Variants in BCKDHB observed in about 807,000 individuals in gnomAD.
The protein encoded by BCKDHB is branched chain keto acid dehydrogenase E1 subunit beta, also known as 2-oxoisovalerate dehydrogenase subunit beta, mitochondrial.
A neutral mutation model predicts 48.5 loss-of-function variants in BCKDHB; 41 were observed. That is an observed-to-expected ratio of 0.85 (90% CI 0.66 to 1.10). BCKDHB has a LOEUF of 1.10. BCKDHB is among the 50% of genes least tolerant of loss of function. The pLI is 0.00. For missense variants in BCKDHB, 496 were observed against 494.2 expected, an observed-to-expected ratio of 1.00 and a Z score of -0.03; for synonymous variants, 201 against 174.8, an observed-to-expected ratio of 1.15 and a Z score of -1.18.
intron 6 of BCKDHB, among the ~76,000 whole-genome samples, chr6:80,177,033 TG>T (rs1399655835): frequency 2.0e-5 from 3 of 151,606 alleles, no homozygotes; most frequent in African/African-American, 7.3e-5. Flanking sequence ...GAGACCAGCC[TG>T]GGCAATATGG....
At chr6:80,398,375 T>G in the BCKDHB span, among the ~76,000 whole-genome samples, 1 of 151,962 alleles carries the variant, frequency 6.6e-6, no homozygotes, top group Admixed American at 6.6e-5. Flanking sequence ...GTAAATACAA[T>G]TAGAAACTAC....
chr6:80,240,937 C>A (rs527739241), intron 8 of BCKDHB, among the ~76,000 whole-genome samples: 1 of 152,146 alleles, frequency 6.6e-6, no homozygotes, highest in African/African-American at 2.4e-5. Flanking sequence ...TTCTTAGAGG[C>A]TTTTTTCGTT....
chr6:80,331,090 C>T (rs537065340), intron 9 of BCKDHB, among the ~76,000 whole-genome samples: 3 of 152,138 alleles, frequency 2.0e-5, no homozygotes, highest in Non-Finnish European at 2.9e-5. Flanking sequence ...AGAATATTAG[C>T]GTTTGTAGCT....
intron 8 of BCKDHB, among the ~76,000 whole-genome samples, chr6:80,256,967 A>C (rs527286213): frequency 6.6e-6 from 1 of 152,194 alleles, no homozygotes; most frequent in Non-Finnish European, 1.5e-5. Flanking sequence ...AAAATCTAGT[A>C]GTTTCCTGAT....
intron 1 of BCKDHB, among the ~76,000 whole-genome samples, chr6:80,111,415 C>T (rs1769400328): frequency 6.6e-6 from 1 of 152,196 alleles, no homozygotes; most frequent in African/African-American, 2.4e-5. Flanking sequence ...GCCAGTCAAT[C>T]TTCCAGTGCC....
chr6:80,108,559 TA>T (rs35042481), intron 1 of BCKDHB, among the ~76,000 whole-genome samples: 211 of 137,408 alleles, frequency 1.5e-3, no homozygotes, highest in Middle Eastern at 3.8e-3. Context: ...GGATAAAAAG[TA>T]AAAAAAAAAA....
At chr6:80,304,348 T>C (rs1483724564) in intron 9 of BCKDHB, among the ~76,000 whole-genome samples, 2 of 152,110 alleles carry the variant, frequency 1.3e-5, no homozygotes, top group South Asian at 2.1e-4. Flanking sequence ...AAGTTTGCAA[T>C]ACATTTTTAT....
At chr6:80,285,151 T>C (rs1766565749) in intron 9 of BCKDHB, among the ~76,000 whole-genome samples, 1 of 152,168 alleles carries the variant, frequency 6.6e-6, no homozygotes, top group Non-Finnish European at 1.5e-5. Flanking sequence ...CCATGAACTT[T>C]TCTGGGCATA....
chr6:80,443,658 AATTTC>A, the BCKDHB span: 1 of 152,044 alleles, frequency 6.6e-6, no homozygotes, highest in Non-Finnish European at 1.5e-5. Flanking sequence ...TTTCACCACA[AATTTC>A]ATTTATTTAT....
At chr6:80,402,714 C>G in the BCKDHB span, among the ~76,000 whole-genome samples, 5 of 151,802 alleles carry the variant, frequency 3.3e-5, no homozygotes, top group East Asian at 9.6e-4. Context: ...TCTATGTATT[C>G]TTCTAGAAGT....
intron 3 of BCKDHB, among the ~76,000 whole-genome samples, chr6:80,144,363 T>C (rs1480854175): frequency 2.0e-5 from 3 of 152,194 alleles, no homozygotes; most frequent in East Asian, 1.9e-4. Flanking sequence ...CCAAGAACTT[T>C]TTAGCTTTTA....
the BCKDHB span, chr6:80,465,746 G>A: frequency 6.6e-6 from 1 of 152,234 alleles, no homozygotes; most frequent in Non-Finnish European, 1.5e-5. Flanking sequence ...TTGCTTTTCA[G>A]TTTGCTGCTA....
intron 9 of BCKDHB, among the ~76,000 whole-genome samples, chr6:80,329,761 T>C (rs1008830624): frequency 2.0e-5 from 3 of 152,140 alleles, no homozygotes; most frequent in Non-Finnish European, 4.4e-5. Flanking sequence ...ATCTGGTTTC[T>C]CCTTCTCAAA....
intron 8 of BCKDHB, among the ~76,000 whole-genome samples, chr6:80,239,182 T>G (rs1776274294): frequency 6.6e-6 from 1 of 152,220 alleles, no homozygotes; most frequent in South Asian, 2.1e-4. Flanking sequence ...CCACACTGTC[T>G]TCTACAATGG....
chr6:80,238,967 A>G (rs1279509109), intron 8 of BCKDHB, among the ~76,000 whole-genome samples: 1 of 152,186 alleles, frequency 6.6e-6, no homozygotes, highest in African/African-American at 2.4e-5. Context: ...TCCATAGTGT[A>G]TATGTGCCAC....
chr6:80,149,981 T>C (rs1431799040), intron 3 of BCKDHB, among the ~76,000 whole-genome samples: 1 of 90,948 alleles, frequency 1.1e-5, no homozygotes, highest in Non-Finnish European at 2.2e-5. Context: ...AGCATAATAA[T>C]AATAAAAAAA....
chr6:80,221,778 C>T (rs957751812), intron 8 of BCKDHB, among the ~76,000 whole-genome samples: 1 of 152,072 alleles, frequency 6.6e-6, no homozygotes, highest in Non-Finnish European at 1.5e-5. Flanking sequence ...TTCTGGCTTA[C>T]TGAGAAATGT....
the BCKDHB span, among the ~76,000 whole-genome samples, chr6:80,371,224 A>C: frequency 1.8e-4 from 28 of 152,150 alleles, no homozygotes; most frequent in African/African-American, 6.5e-4. Context: ...TTTGATATGC[A>C]TTTACCTGAT....
intron 8 of BCKDHB, among the ~76,000 whole-genome samples, chr6:80,254,419 G>T (rs969357652): frequency 2.6e-5 from 4 of 151,990 alleles, no homozygotes; most frequent in Non-Finnish European, 5.9e-5. Context: ...CAGCAGCCTG[G>T]GTGCGATGGC....
Sources: gnomAD v4.1 joint callset for allele counts (sites outside exome capture counted in the v4.1 genomes callset) on GRCh38, gnomAD v4.1.1 for gene constraint, MANE v1.5 for transcripts, NCBI Gene and HGNC (gene_info 2026-07-23, HGNC 2026-07-21) for gene names.